PATJ: variants seen among roughly 807,000 people sequenced by gnomAD.
PATJ encodes the protein inaD-like protein.
PATJ carries 190 observed loss-of-function variants against 224.9 expected under a neutral mutation model. The ratio of observed to expected loss-of-function variants is 0.84; its 90% CI spans 0.75 to 0.95. The LOEUF (loss-of-function observed/expected upper bound fraction) is 0.95, where lower values mean the gene tolerates loss of function less well. PATJ is among the 40% of genes least tolerant of loss of function. The pLI is 0.00. For missense variants in PATJ, 2,121 were observed against 2,270.3 expected (o/e 0.93, Z 1.34); for synonymous variants, 769 against 820.3 (o/e 0.94, Z 1.07).
chr1:62,009,481 T>C (rs1569983151), intron 28 of PATJ, among the ~76,000 whole-genome samples: 1 of 152,324 alleles, frequency 6.6e-6, no homozygotes. Context: ...AGTTGTCATC[T>C]TTTTGCTGGT....
intron 6 of PATJ, among the ~76,000 whole-genome samples, chr1:61,774,543 A>G (rs1286257357): frequency 2.0e-5 from 3 of 152,166 alleles, no homozygotes; most frequent in South Asian, 4.2e-4. Flanking sequence ...TCCTACCACC[A>G]TTAGATTCTT....
intron 37 of PATJ, among the ~76,000 whole-genome samples, chr1:62,119,372 T>C (rs1664802128): frequency 6.6e-6 from 1 of 152,182 alleles, no homozygotes; most frequent in Non-Finnish European, 1.5e-5. Context: ...AATCAGGATC[T>C]TGTAGGAACA....
chr1:62,123,038 AG>A lies in PATJ; in HGVS notation c.5025del (p.Thr1676LeufsTer4). On this transcript the variant is annotated frameshift_variant, in exon 39 of 44. Transcript: ENST00000642238. LOFTEE classifies it high-confidence loss of function. ...CTTTATAGGCACAGATATGGAACCA[AG>A]GACTGTTGAGATAAACAGGGTAAGT... ...QKNSGTDMEP[R>X]TVEINRELSD... is the part of the protein sequence containing the mutation. 1 of 1,596,738 alleles carries A rather than the reference AG, an allele frequency of 6.3e-7. No homozygotes were observed. The highest frequency in any genetic ancestry group is 1.7e-4 in the Middle Eastern group (1 of 6,012).
chr1:62,007,306 T>C (rs1266098081), intron 28 of PATJ, among the ~76,000 whole-genome samples: 1 of 152,242 alleles, frequency 6.6e-6, no homozygotes, highest in East Asian at 1.9e-4. Flanking sequence ...TTACTAGAAC[T>C]ATCTGGAAGA....
At chr1:61,878,339 A>AG (rs1667622117) in intron 21 of PATJ, among the ~76,000 whole-genome samples, 1 of 152,102 alleles carries the variant, frequency 6.6e-6, no homozygotes, top group Non-Finnish European at 1.5e-5. Flanking sequence ...ATGGGAGCAA[A>AG]GGGGAGTATG....
rs377550670 is a variant in PATJ, at chr1:62,102,169, AC to A, written c.4378-6265del. 2.4e-3 allele frequency among the ~76,000 whole-genome samples: 359 copies of A among 151,424 alleles called. 6 individuals carry two copies. Among genetic ancestry groups the A allele is most frequent in the African/African-American group, 8.2e-3 (335 of 41,008 alleles). On this transcript the variant is annotated intron_variant, in intron 33 of 43. Coordinates refer to ENST00000642238, the MANE Select transcript of PATJ (RefSeq NM_001350145.3). Reference sequence around the variant, plus strand: ...ACTCCAGCCTGGACAACAAAGCGAGACCCTGTCTCAAATAAATAAATAAATA... The same window carrying A: ...ACTCCAGCCTGGACAACAAAGCGAGACCTGTCTCAAATAAATAAATAAATA...
In PATJ at chr1:61,771,548, A is replaced by G; in HGVS notation, c.642A>G (p.Arg214=). The G allele has an allele frequency of 6.2e-7, 1 of 1,613,556 alleles. No homozygotes were observed. The highest frequency in any genetic ancestry group is 8.5e-7 in the Non-Finnish European group (1 of 1,179,776). The change falls in exon 6 of 44, where the codon AGA becomes AGG. Residue 214 remains arginine (R), a synonymous_variant. Transcript: ENST00000642238. ...TACAACAAACCACTGGATCTTTGAGACTGATTGTGGCCAGGGAACCAGTCC... is the reference window on the plus strand; with the variant it reads ...TACAACAAACCACTGGATCTTTGAGGCTGATTGTGGCCAGGGAACCAGTCC... ...ALLQQTTGSL[R]LIVAREPVHT... is the part of the protein sequence containing the mutation.
chr1:62,070,378 G>A (rs1657182169), intron 31 of PATJ, among the ~76,000 whole-genome samples: 1 of 152,058 alleles, frequency 6.6e-6, no homozygotes, highest in Non-Finnish European at 1.5e-5. Context: ...TCCTTTCATG[G>A]CTGGTTCTCA....
chr1:61,857,450 C>T (rs539525945), intron 18 of PATJ, among the ~76,000 whole-genome samples: 1 of 152,322 alleles, frequency 6.6e-6, no homozygotes, highest in African/African-American at 2.4e-5. Context: ...CCCAGCAGGG[C>T]ACCTTCAAAC....
At position 62,041,815 on chromosome 1, in the gene PATJ, G is replaced by C. The variant is rs917192330; in HGVS notation, c.4032+3766G>C. On this transcript the variant is annotated intron_variant, in intron 30 of 43. Coordinates refer to ENST00000642238, the MANE Select transcript of PATJ (RefSeq NM_001350145.3). ...GGAGGCCGAGGCGGGTGGATCACGA[G>C]GTCAGGAGATCGAGACCATCCTGGC... is the stretch of plus-strand genomic sequence containing the variant. Among the ~76,000 whole-genome samples, 5 of 152,114 alleles carry C rather than the reference G, an allele frequency of 3.3e-5. No individual in the cohort carries two copies. The East Asian group carries it at 7.7e-4, about 24-fold the overall frequency.
intron 11 of PATJ, among the ~76,000 whole-genome samples, chr1:61,800,628 C>T (rs754723011): frequency 5.3e-5 from 8 of 152,038 alleles, no homozygotes; most frequent in Non-Finnish European, 1.0e-4. Context: ...ATGTGCACAA[C>T]GTGCAGGTTT....
chr1:62,100,353 A>G, intron 33 of PATJ: 1 of 718,280 alleles, frequency 1.4e-6, no homozygotes, highest in Non-Finnish European at 2.6e-6. Flanking sequence ...GCATGGAGCC[A>G]GCATCTGGTG....
At chr1:62,116,414 A>G (rs1019588528) in intron 35 of PATJ, 118 bp from the exon 36 acceptor site, 36 of 1,266,072 alleles carry the variant, frequency 2.8e-5, no homozygotes, top group Admixed American at 6.0e-5. Flanking sequence ...AAACAAAAAG[A>G]AAACAAAACT....
chr1:61,822,957 C>T lies in PATJ; in HGVS notation c.1696C>T (p.His566Tyr), dbSNP rs767296659. The change falls in exon 15 of 44, where the codon CAC (histidine) becomes TAC (tyrosine). Residue 566 changes from histidine to tyrosine, a missense_variant. His to Tyr is a moderately conservative substitution (Grantham distance 83, BLOSUM62 2). Transcript: ENST00000642238. ...TGTTTTGCTACAGCTGCTGCCTATTCACACTCTGAGGCTTGGTGTGGAAGT... is the reference window on the plus strand; with the variant it reads ...TGTTTTGCTACAGCTGCTGCCTATTTACACTCTGAGGCTTGGTGTGGAAGT... Reference protein sequence around the residue: ...LQKYSKLLPIHTLRLGVEVDS... With the variant: ...LQKYSKLLPIYTLRLGVEVDS... 1 of 1,614,056 alleles carries T rather than the reference C, an allele frequency of 6.2e-7. No individual in the cohort carries two copies. Among genetic ancestry groups the T allele is most frequent in the East Asian group, 2.2e-5 (1 of 44,882 alleles).
At chr1:61,884,126 C>G in intron 21 of PATJ, 111 bp from the exon 22 acceptor site, 1 of 618,326 alleles carries the variant, frequency 1.6e-6, no homozygotes, top group South Asian at 3.8e-5. Flanking sequence ...TATTTTCAGT[C>G]TCCTACCTGG....
intron 33 of PATJ, among the ~76,000 whole-genome samples, chr1:62,087,396 G>A (rs568436888): frequency 2.0e-5 from 3 of 151,932 alleles, no homozygotes; most frequent in African/African-American, 7.3e-5. Flanking sequence ...GGGGCGGGCC[G>A]TAGGTAGTTT....
At chr1:61,952,889 A>G (rs1044124977) in intron 27 of PATJ, among the ~76,000 whole-genome samples, 39 of 152,344 alleles carry the variant, frequency 2.6e-4, no homozygotes, top group African/African-American at 9.1e-4. Flanking sequence ...GCATTTTGTT[A>G]TAGATGAAAG....
chr1:61,908,188 C>A (rs186991931), intron 24 of PATJ, among the ~76,000 whole-genome samples, 184 bp from the exon 25 acceptor site: 7 of 152,276 alleles, frequency 4.6e-5, no homozygotes, highest in African/African-American at 1.7e-4. Context: ...TGAAATGTTA[C>A]TTTCCTTGAA....
At chr1:61,959,778 T>C (rs1681008835) in intron 27 of PATJ, among the ~76,000 whole-genome samples, 1 of 152,088 alleles carries the variant, frequency 6.6e-6, no homozygotes, top group South Asian at 2.1e-4. Flanking sequence ...CTCAACACAG[T>C]CCTTTGTACA....
Sources: allele counts gnomAD v4.1 joint callset (sites outside exome capture counted in the v4.1 genomes callset), GRCh38; gene constraint gnomAD v4.1.1; transcripts MANE v1.5; gene names NCBI Gene and HGNC (gene_info 2026-07-23, HGNC 2026-07-21).